Variants in C17orf67 observed in about 807,000 individuals in gnomAD.
C17orf67 encodes chromosome 17 open reading frame 67.
A neutral mutation model predicts 11.2 loss-of-function variants in C17orf67; 12 were observed. That is an observed-to-expected ratio of 1.07 (90% CI 0.68 to 1.73). C17orf67 has a LOEUF of 1.73. Among genes scored for constraint, C17orf67 ranks in the 40% most tolerant of loss-of-function variants. The pLI, the probability that C17orf67 is intolerant of heterozygous loss-of-function variation, is 0.00. For missense variants in C17orf67, 115 were observed against 113.5 expected (o/e 1.01, Z -0.06); for synonymous variants, 59 against 46.9 (o/e 1.26, Z -1.05).
chr17:56,823,436 T>G lies in C17orf67; in HGVS notation c.-201+1303A>C, dbSNP rs554776193. 4.6e-5 allele frequency among the ~76,000 whole-genome samples: 7 copies of G among 152,228 alleles called. No individual in the cohort carries two copies. In the East Asian group the frequency reaches 7.7e-4, roughly 17 times the overall value. On this transcript the variant is annotated intron_variant, in intron 4 of 7. Transcript: ENST00000397861. ...AGCAACTTGGGGAAATCAGACACCA[T>G]GCAATTGGAGAAAATAAATAAATAA...
chr17:56,810,429 C>T (rs866634623), intron 6 of C17orf67, among the ~76,000 whole-genome samples: 45 of 151,178 alleles, frequency 3.0e-4, no homozygotes, highest in African/African-American at 1.0e-3. Context: ...CTCACACACA[C>T]CCTCATACAT....
At chr17:56,826,978 G>A (rs759282045) in intron 2 of C17orf67, among the ~76,000 whole-genome samples, 2 of 152,230 alleles carry the variant, frequency 1.3e-5, no homozygotes, top group South Asian at 4.1e-4. Flanking sequence ...CAGGCCTGGC[G>A]CTCTGCACAA....
intron 6 of C17orf67, among the ~76,000 whole-genome samples, chr17:56,805,038 C>A (rs546375223): frequency 3.9e-5 from 6 of 152,280 alleles, no homozygotes; most frequent in African/African-American, 1.2e-4. Context: ...CAATACTGTA[C>A]GGTGCTTGGT....
chr17:56,819,594 G>C (rs1031266724), intron 4 of C17orf67, among the ~76,000 whole-genome samples: 15 of 152,224 alleles, frequency 9.9e-5, no homozygotes, highest in African/African-American at 3.6e-4. Flanking sequence ...GGGTGGGGAG[G>C]GCCGTTCAGG....
At chr17:56,813,014 G>A (rs907927807) in intron 6 of C17orf67, among the ~76,000 whole-genome samples, 7 of 152,178 alleles carry the variant, frequency 4.6e-5, no homozygotes, top group African/African-American at 1.7e-4. Context: ...AGAGCCAGGT[G>A]CAGATGCTGG....
chr17:56,818,090 T>C (rs1179587091), intron 4 of C17orf67, among the ~76,000 whole-genome samples: 3 of 151,592 alleles, frequency 2.0e-5, no homozygotes, highest in Non-Finnish European at 2.9e-5. Flanking sequence ...GCAATTCTCC[T>C]ACCTTGGCCT....
At chr17:56,802,721 T>C (rs6503764) in intron 6 of C17orf67, among the ~76,000 whole-genome samples, 100,300 of 152,146 alleles carry the variant, frequency 0.66, 33,247 homozygotes, top group East Asian at 0.82. Context: ...AAGATCTGAG[T>C]ACACATCAAG....
chr17:56,818,973 T>A (rs1905830705), intron 4 of C17orf67, among the ~76,000 whole-genome samples: 1 of 152,196 alleles, frequency 6.6e-6, no homozygotes, highest in Non-Finnish European at 1.5e-5. Context: ...TCCCTCCCTG[T>A]TCACTTCAAT....
chr17:56,832,199 G>A (rs1158617352), intron 2 of C17orf67, among the ~76,000 whole-genome samples: 1 of 152,078 alleles, frequency 6.6e-6, no homozygotes, highest in African/African-American at 2.4e-5. Flanking sequence ...ACCTGCCTCG[G>A]CCTCCCAAAG....
Position 56,819,227 on chromosome 17 carries a change from G to A in C17orf67, c.-200-3217C>T, listed in dbSNP as rs549710944. ...CTTTCAGCTTAACAAGCCCACTCCC[G>A]CCTCAGGACCTTTGCATGTGCTTTT... On this transcript the variant is annotated intron_variant, in intron 4 of 7. Transcript: ENST00000397861. Among the ~76,000 whole-genome samples, 11 of 151,974 alleles carry A rather than the reference G, an allele frequency of 7.2e-5. No individual in the cohort carries two copies. The South Asian group carries it at 1.2e-3, about 17-fold the overall frequency.
At chr17:56,804,160 A>G (rs1308659006) in intron 6 of C17orf67, 2 of 152,242 alleles carry the variant, frequency 1.3e-5, no homozygotes, top group African/African-American at 2.4e-5. Flanking sequence ...TAATGATTTA[A>G]GTAAATTATT....
intron 6 of C17orf67, among the ~76,000 whole-genome samples, chr17:56,808,344 T>A (rs534897048): frequency 6.6e-6 from 1 of 152,176 alleles, no homozygotes; most frequent in Non-Finnish European, 1.5e-5. Flanking sequence ...ATAAAATAAA[T>A]GTATCCGTTA....
At chr17:56,819,780 C>T (rs1905853761) in intron 4 of C17orf67, among the ~76,000 whole-genome samples, 2 of 152,136 alleles carry the variant, frequency 1.3e-5, no homozygotes, top group South Asian at 4.1e-4. Flanking sequence ...AGGAAAAGCC[C>T]CAGCGGGGTA....
intron 6 of C17orf67, among the ~76,000 whole-genome samples, chr17:56,813,024 G>C (rs1905667647): frequency 6.6e-6 from 1 of 152,156 alleles, no homozygotes; most frequent in Admixed American, 6.5e-5. Context: ...GCAGATGCTG[G>C]CACAGAAAAT....
chr17:56,827,081 G>A (rs1906057931), intron 2 of C17orf67, among the ~76,000 whole-genome samples: 1 of 152,166 alleles, frequency 6.6e-6, no homozygotes, highest in Admixed American at 6.5e-5. Context: ...ATCAATTTTT[G>A]ACTTGAACTG....
At chr17:56,803,874 T>C (rs576783569) in intron 6 of C17orf67, 26 of 152,280 alleles carry the variant, frequency 1.7e-4, no homozygotes, top group Admixed American at 1.0e-3. Flanking sequence ...TTTAAAATAT[T>C]AGGAAAACGA....
intron 6 of C17orf67, among the ~76,000 whole-genome samples, chr17:56,811,066 G>GAATAAA (rs1905612607): frequency 6.6e-6 from 1 of 152,152 alleles, no homozygotes; most frequent in Admixed American, 6.5e-5. Context: ...AGGGGCCTCA[G>GAATAAA]AATAAACTGC....
intron 6 of C17orf67, among the ~76,000 whole-genome samples, chr17:56,804,666 T>C (rs1431122481): frequency 6.6e-6 from 1 of 152,198 alleles, no homozygotes; most frequent in African/African-American, 2.4e-5. Context: ...GAACACTCCT[T>C]AAAGGATCAC....
intron 4 of C17orf67, among the ~76,000 whole-genome samples, chr17:56,817,185 T>C (rs1393095608): frequency 1.3e-5 from 2 of 152,106 alleles, no homozygotes; most frequent in African/African-American, 4.8e-5. Context: ...TTAAAATATG[T>C]CTGGAAAGCA....
Sources: allele counts gnomAD v4.1 joint callset (sites outside exome capture counted in the v4.1 genomes callset), GRCh38; gene constraint gnomAD v4.1.1; transcripts MANE v1.5; gene names NCBI Gene and HGNC (gene_info 2026-07-23, HGNC 2026-07-21).